Variants in NEK1 observed in about 807,000 individuals in gnomAD.
NEK1 encodes serine/threonine-protein kinase Nek1.
A neutral mutation model predicts 182.1 loss-of-function variants in NEK1; 137 were observed. That is an observed-to-expected ratio of 0.75 (90% CI 0.65 to 0.87). The LOEUF is 0.87. Among genes scored for constraint, NEK1 ranks in the 40% least tolerant of loss-of-function variants. The pLI, the probability that NEK1 is intolerant of heterozygous loss-of-function variation, is 0.00. For missense variants in NEK1, 1,391 were observed against 1,494.4 expected, an observed-to-expected ratio of 0.93 and a Z score of 1.14; for synonymous variants, 513 against 492.2, an observed-to-expected ratio of 1.04 and a Z score of -0.56.
chr4:169,541,552 G>T (rs1759419437), intron 18 of NEK1, among the ~76,000 whole-genome samples: 1 of 152,266 alleles, frequency 6.6e-6, no homozygotes, highest in African/African-American at 2.4e-5. Flanking sequence ...ATCTGAAAGA[G>T]TCTTAGATGC....
intron 26 of NEK1, among the ~76,000 whole-genome samples, chr4:169,467,980 T>C (rs908136359): frequency 6.6e-6 from 1 of 151,734 alleles, no homozygotes; most frequent in African/African-American, 2.4e-5. Flanking sequence ...TAAAGACACA[T>C]ACAGATTAAG....
At chr4:169,472,040 T>G (rs1343992233) in intron 26 of NEK1, among the ~76,000 whole-genome samples, 1 of 152,056 alleles carries the variant, frequency 6.6e-6, no homozygotes, top group Non-Finnish European at 1.5e-5. Context: ...GATCTTAGCT[T>G]GTGGGGCTCC....
intron 26 of NEK1, among the ~76,000 whole-genome samples, chr4:169,476,104 G>A (rs1456679705): frequency 6.6e-6 from 1 of 152,110 alleles, no homozygotes; most frequent in Non-Finnish European, 1.5e-5. Flanking sequence ...CCAAGGACAG[G>A]AAGCATGAAG....
At chr4:169,539,132 G>T (rs927314350) in intron 18 of NEK1, among the ~76,000 whole-genome samples, 1 of 152,088 alleles carries the variant, frequency 6.6e-6, no homozygotes, top group African/African-American at 2.4e-5. Context: ...TGTCTGGGTA[G>T]CTAAATCTTA....
At chr4:169,495,493 C>T (rs545024272) in intron 23 of NEK1, among the ~76,000 whole-genome samples, 5 of 152,136 alleles carry the variant, frequency 3.3e-5, no homozygotes, top group South Asian at 2.1e-4. Flanking sequence ...CCGCCCGTCT[C>T]GGCCTCCCAA....
intron 26 of NEK1, among the ~76,000 whole-genome samples, chr4:169,474,745 AAC>A (rs1170321908): frequency 6.6e-6 from 1 of 152,196 alleles, no homozygotes; most frequent in Non-Finnish European, 1.5e-5. Flanking sequence ...GAACTCTTTG[AAC>A]AGTTTCACAT....
Position 169,394,478 on chromosome 4 carries a change from A to T in NEK1, c.*32T>A, listed in dbSNP as rs1730368062. Reference sequence around the variant, plus strand: ...TGATAAGCCAAATTCAAATGCTTTCATATAGTTGAGGATTAAAAAACATTT... The same window carrying T: ...TGATAAGCCAAATTCAAATGCTTTCTTATAGTTGAGGATTAAAAAACATTT... On this transcript the variant is annotated 3_prime_UTR_variant, in exon 36 of 36. Transcript: ENST00000507142. 1 of 1,314,858 alleles carries T rather than the reference A, an allele frequency of 7.6e-7. No individual in the cohort carries two copies. The highest frequency in any genetic ancestry group is 2.0e-5 in the Admixed American group (1 of 50,998). 81.4% of individuals were successfully genotyped at this position (1,314,858 alleles called of 1,614,324 possible).
At chr4:169,490,787 A>G (rs999581079) in intron 23 of NEK1, among the ~76,000 whole-genome samples, 1 of 152,040 alleles carries the variant, frequency 6.6e-6, no homozygotes, top group African/African-American at 2.4e-5. Context: ...AAAAGTGAAG[A>G]AAGCCTATAG....
rs181562024 is a variant in NEK1, at chr4:169,406,545, T to C, written c.3374+51A>G. 2.2e-5 allele frequency: 30 copies of C among 1,376,302 alleles called. No individual in the cohort carries two copies. In the East Asian group the frequency reaches 7.7e-4, roughly 35 times the overall value. 85.3% of individuals were successfully genotyped at this position (1,376,302 alleles called of 1,614,324 possible). Reference sequence around the variant, plus strand: ...GGTAAGTTATCCCCTCTTTTTTACATATAAATTCAGAAAATCTTTTAATGC... The same window carrying C: ...GGTAAGTTATCCCCTCTTTTTTACACATAAATTCAGAAAATCTTTTAATGC... On this transcript the variant is annotated intron_variant, in intron 32 of 35. Transcript: ENST00000507142.
chr4:169,402,402 G>A (rs1731838729), intron 32 of NEK1, among the ~76,000 whole-genome samples: 1 of 152,152 alleles, frequency 6.6e-6, no homozygotes, highest in Non-Finnish European at 1.5e-5. Flanking sequence ...TTAATAGGAT[G>A]ACCCAGTGAA....
At chr4:169,495,956 T>C (rs1663038237) in intron 23 of NEK1, among the ~76,000 whole-genome samples, 1 of 152,204 alleles carries the variant, frequency 6.6e-6, no homozygotes, top group African/African-American at 2.4e-5. Context: ...ATTGGTAGCT[T>C]GATGGGGATG....
In NEK1 at chr4:169,602,087, TCTTTC is replaced by T; in HGVS notation, c.130_134del (p.Glu44ArgfsTer22). 1 of 1,612,696 alleles carries T rather than the reference TCTTTC, an allele frequency of 6.2e-7. No homozygotes were observed. The highest frequency in any genetic ancestry group is 8.5e-7 in the Non-Finnish European group (1 of 1,178,898). On this transcript the variant is annotated frameshift_variant, in exon 4 of 36. Transcript: ENST00000507142. LOFTEE classifies it high-confidence loss of function. ...CTGCAACTTCTCTCCTTGATTCTTC[TCTTTC>T]TTTACTGGACATCTTAAATGGGAGG...
At chr4:169,446,395 CTA>C (rs369079599) in intron 27 of NEK1, among the ~76,000 whole-genome samples, 3 of 152,194 alleles carry the variant, frequency 2.0e-5, no homozygotes, top group Non-Finnish European at 4.4e-5. Context: ...TTATGAACAA[CTA>C]TATGTTAACA....
chr4:169,546,145 A>G (rs1760399643), intron 18 of NEK1, among the ~76,000 whole-genome samples: 1 of 152,036 alleles, frequency 6.6e-6, no homozygotes, highest in South Asian at 2.1e-4. Flanking sequence ...CCCTCTACAC[A>G]CTGCTTTAAA....
At chr4:169,532,859 G>A (rs1042193935) in intron 19 of NEK1, among the ~76,000 whole-genome samples, 2 of 151,920 alleles carry the variant, frequency 1.3e-5, no homozygotes, top group Non-Finnish European at 2.9e-5. Flanking sequence ...GGCTGAGGTG[G>A]AAGAATCAAC....
chr4:169,585,605 A>G, intron 9 of NEK1, 56 bp from the exon 10 acceptor site: 2 of 1,098,124 alleles, frequency 1.8e-6, no homozygotes, highest in South Asian at 1.5e-5. Context: ...GAAACTGAGA[A>G]TATCGGTAAT....
intron 31 of NEK1, among the ~76,000 whole-genome samples, chr4:169,414,582 T>C (rs1000554293): frequency 6.6e-6 from 1 of 152,158 alleles, no homozygotes; most frequent in African/African-American, 2.4e-5. Context: ...TTTAAACACT[T>C]TCCAGGCTGC....
Position 169,424,463 on chromosome 4 carries a change from G to C in NEK1, c.3222+90C>G, listed in dbSNP as rs983064330. The C allele has an allele frequency of 6.4e-6, 9 of 1,399,940 alleles. No homozygotes were observed. The African/African-American group carries it at 1.2e-4, about 18-fold the overall frequency. 86.7% of individuals were successfully genotyped at this position (1,399,940 alleles called of 1,614,324 possible). Reference sequence around the variant, plus strand: ...ATGTGTGTTTGTGTCTGTGTTAAGAGATTAAAACTCAATATTATGGTTTAT... The same window carrying C: ...ATGTGTGTTTGTGTCTGTGTTAAGACATTAAAACTCAATATTATGGTTTAT... On this transcript the variant is annotated intron_variant, in intron 31 of 35. Transcript: ENST00000507142.
chr4:169,494,279 T>C (rs1339111923), intron 23 of NEK1, among the ~76,000 whole-genome samples: 1 of 152,048 alleles, frequency 6.6e-6, no homozygotes, highest in East Asian at 1.9e-4. Context: ...CCCTGGTGTG[T>C]GATGTTCCCC....
Sources: gnomAD v4.1 joint callset for allele counts (sites outside exome capture counted in the v4.1 genomes callset) on GRCh38, gnomAD v4.1.1 for gene constraint, MANE v1.5 for transcripts, NCBI Gene and HGNC (gene_info 2026-07-23, HGNC 2026-07-21) for gene names.